The following ADAD1 variants were observed in gnomAD, a reference collection of about 807,000 sequenced individuals.
The protein encoded by ADAD1 is adenosine deaminase domain containing 1, also known as adenosine deaminase domain-containing protein 1.
In ADAD1, 46 loss-of-function variants were observed where a neutral mutation model predicts 66.8. The ratio of observed to expected loss-of-function variants is 0.69; its 90% CI spans 0.54 to 0.88. ADAD1 has a LOEUF of 0.88. Ranked by LOEUF, ADAD1 falls within the 40% of genes least tolerant of loss-of-function variation. ADAD1 has a pLI of 0.00. For synonymous variants in ADAD1, 248 were observed against 229.4 expected (o/e 1.08, Z -0.73); for missense variants, 617 against 681.8 (o/e 0.91, Z 1.06).
chr4:122,415,310 C>T (rs1192030372), intron 10 of ADAD1, 69 bp from the exon 11 acceptor site: 9 of 1,256,448 alleles, frequency 7.2e-6, no homozygotes, highest in Non-Finnish European at 1.0e-5. Context: ...GATTTCCAAT[C>T]ATTTCATTTA....
At chr4:122,424,674 TA>T (rs1267748029) in intron 12 of ADAD1, among the ~76,000 whole-genome samples, 1 of 152,054 alleles carries the variant, frequency 6.6e-6, no homozygotes, top group Admixed American at 6.6e-5. Flanking sequence ...AGAGAAATTG[TA>T]AAAAGACATA....
At chr4:122,413,885 TGTCAG>T (rs1407971443) in intron 10 of ADAD1, among the ~76,000 whole-genome samples, 1 of 140,552 alleles carries the variant, frequency 7.1e-6, no homozygotes, top group Non-Finnish European at 1.6e-5. Context: ...TATGAATTAT[TGTCAG>T]GTCAGGTCTT....
chr4:122,384,036 A>G, intron 5 of ADAD1, 70 bp downstream of exon 5: 1 of 1,362,680 alleles, frequency 7.3e-7, no homozygotes, highest in East Asian at 2.4e-5. Context: ...TGAAAGATTT[A>G]TGTTAATGAG....
intron 12 of ADAD1, among the ~76,000 whole-genome samples, chr4:122,422,021 A>G (rs1378831309): frequency 1.3e-5 from 2 of 151,636 alleles, no homozygotes; most frequent in Non-Finnish European, 2.9e-5. Context: ...TCCTTCTCAT[A>G]TATACGTATT....
At chr4:122,428,766 C>T (rs1383991758) in intron 12 of ADAD1, among the ~76,000 whole-genome samples, 1 of 152,056 alleles carries the variant, frequency 6.6e-6, no homozygotes, top group Non-Finnish European at 1.5e-5. Flanking sequence ...ACCAGGACTG[C>T]AGGTGAGTAC....
In ADAD1 at chr4:122,397,986, C is replaced by T. The variant is rs1177891294; in HGVS notation, c.724+1609C>T. Among the ~76,000 whole-genome samples the T allele has an allele frequency of 2.0e-5, 3 of 152,104 alleles. No individual in the cohort carries two copies. In the East Asian group the frequency reaches 5.8e-4, roughly 29 times the overall value. ...TAAGATGTATTATTAGAAATTTTGCCTCATCAGTTTTTAAAAAATTTCAGT... is the reference window on the plus strand; with the variant it reads ...TAAGATGTATTATTAGAAATTTTGCTTCATCAGTTTTTAAAAAATTTCAGT... On this transcript the variant is annotated intron_variant, in intron 7 of 12. Coordinates refer to ENST00000296513, the MANE Select transcript of ADAD1 (RefSeq NM_139243.4).
intron 5 of ADAD1, 63 bp from the exon 6 acceptor site, chr4:122,393,526 G>T (rs1419529465): frequency 7.7e-6 from 11 of 1,436,004 alleles, no homozygotes; most frequent in Non-Finnish European, 9.3e-6. Flanking sequence ...CAGAATAAAA[G>T]AAATACCAGC....
intron 12 of ADAD1, among the ~76,000 whole-genome samples, chr4:122,425,367 C>T (rs1797185199): frequency 6.6e-6 from 1 of 151,906 alleles, no homozygotes; most frequent in African/African-American, 2.4e-5. Context: ...AATTAGAAAT[C>T]AAGAACAGAA....
At chr4:122,399,735 CTTTTCT>C (rs1237375060) in intron 7 of ADAD1, among the ~76,000 whole-genome samples, 1 of 104,246 alleles carries the variant, frequency 9.6e-6, no homozygotes, top group Non-Finnish European at 2.0e-5. Context: ...TCCTAATTTT[CTTTTCT>C]TTTTTTTTTT....
chr4:122,381,263 A>G, intron 4 of ADAD1, 83 bp downstream of exon 4: 2 of 1,324,684 alleles, frequency 1.5e-6, no homozygotes, highest in Admixed American at 5.6e-5. Flanking sequence ...CTTTCTTCTA[A>G]TATTGGAGTT....
chr4:122,421,001 T>C (rs1477930087), intron 11 of ADAD1, among the ~76,000 whole-genome samples: 1 of 152,200 alleles, frequency 6.6e-6, no homozygotes, highest in South Asian at 2.1e-4. Flanking sequence ...AGGTTAATTT[T>C]GCTTCATACA....
At chr4:122,393,069 G>T (rs1350651789) in intron 5 of ADAD1, among the ~76,000 whole-genome samples, 3 of 131,552 alleles carry the variant, frequency 2.3e-5, no homozygotes, top group African/African-American at 5.7e-5. Flanking sequence ...CTCAGGTTTA[G>T]TGGTTTTTAA....
At chr4:122,397,366 T>C (rs1279120948) in intron 7 of ADAD1, among the ~76,000 whole-genome samples, 1 of 152,210 alleles carries the variant, frequency 6.6e-6, no homozygotes, top group Admixed American at 6.5e-5. Context: ...TAAATTACTT[T>C]GGGCAAATTA....
At chr4:122,418,382 T>C (rs903784430) in intron 11 of ADAD1, among the ~76,000 whole-genome samples, 1 of 146,986 alleles carries the variant, frequency 6.8e-6, no homozygotes, top group Non-Finnish European at 1.5e-5. Context: ...CGATATCGGC[T>C]CACTGCAAGC....
At chr4:122,398,962 A>T (rs549019879) in intron 7 of ADAD1, among the ~76,000 whole-genome samples, 12 of 152,178 alleles carry the variant, frequency 7.9e-5, no homozygotes, top group South Asian at 2.1e-4. Context: ...GCTGTGCAGA[A>T]GTGTTTTAGT....
At chr4:122,396,691 G>A (rs1410606212) in intron 7 of ADAD1, among the ~76,000 whole-genome samples, 1 of 152,166 alleles carries the variant, frequency 6.6e-6, no homozygotes, top group Non-Finnish European at 1.5e-5. Context: ...AGTAAGAAAA[G>A]ATTGAAATAT....
intron 6 of ADAD1, 138 bp downstream of exon 6, chr4:122,393,795 G>T (rs952616716): frequency 5.1e-6 from 3 of 583,378 alleles, no homozygotes; most frequent in Non-Finnish European, 7.9e-6. Flanking sequence ...TCTACAAAAA[G>T]AAGAATTTTT....
At chr4:122,427,263 G>T (rs943084141) in intron 12 of ADAD1, among the ~76,000 whole-genome samples, 1 of 152,152 alleles carries the variant, frequency 6.6e-6, no homozygotes, top group Non-Finnish European at 1.5e-5. Context: ...GTGTGTGTTC[G>T]TGTGTAAACA....
intron 7 of ADAD1, among the ~76,000 whole-genome samples, chr4:122,402,270 G>C (rs1181000473): frequency 6.6e-6 from 1 of 152,154 alleles, no homozygotes; most frequent in Non-Finnish European, 1.5e-5. Context: ...AGTTTTGCTA[G>C]ATACAATATT....
Sources: allele counts gnomAD v4.1 joint callset (sites outside exome capture counted in the v4.1 genomes callset), GRCh38; gene constraint gnomAD v4.1.1; transcripts MANE v1.5; gene names NCBI Gene and HGNC (gene_info 2026-07-23, HGNC 2026-07-21).